Variants in DGKH observed in about 807,000 individuals in gnomAD.
DGKH encodes DAG kinase eta.
A neutral mutation model predicts 159.3 loss-of-function variants in DGKH; 90 were observed. The observed-to-expected ratio is 0.57, with a 90% confidence interval of 0.48 to 0.67. The LOEUF (loss-of-function observed/expected upper bound fraction) is 0.67. Among genes scored for constraint, DGKH ranks in the 30% least tolerant of loss-of-function variants. The pLI is 0.00. For missense variants in DGKH, 1,181 were observed against 1,506.1 expected (o/e 0.78, Z 3.57); for synonymous variants, 536 against 553.8 (o/e 0.97, Z 0.45).
intron 1 of DGKH, among the ~76,000 whole-genome samples, chr13:42,078,032 G>A (rs1954132171): frequency 6.6e-6 from 1 of 152,146 alleles, no homozygotes; most frequent in South Asian, 2.1e-4. Flanking sequence ...TAAATAGCAT[G>A]AACATCTTGT....
chr13:42,109,338 C>T (rs185418515), intron 1 of DGKH, among the ~76,000 whole-genome samples: 9 of 152,288 alleles, frequency 5.9e-5, no homozygotes, highest in African/African-American at 9.6e-5. Context: ...GTCACAGAAA[C>T]GTTAAGTAAT....
chr13:42,061,443 A>C (rs1398362364), intron 1 of DGKH, among the ~76,000 whole-genome samples: 1 of 151,642 alleles, frequency 6.6e-6, no homozygotes, highest in African/African-American at 2.4e-5. Flanking sequence ...CTTACCGAGG[A>C]CTCCCATACT....
intron 13 of DGKH, among the ~76,000 whole-genome samples, chr13:42,179,522 C>G (rs1956694091): frequency 6.6e-6 from 1 of 152,028 alleles, no homozygotes; most frequent in Non-Finnish European, 1.5e-5. Flanking sequence ...CCTGTAATTC[C>G]AACACTTTGG....
At position 42,101,607 on chromosome 13, in the gene DGKH, A is replaced by G. The variant is rs553849960; in HGVS notation, c.193-25856A>G. Among the ~76,000 whole-genome samples the G allele has an allele frequency of 4.6e-5, 7 of 152,270 alleles. No individual in the cohort carries two copies. The South Asian group carries it at 6.2e-4, about 14-fold the overall frequency. The stretch of plus-strand genomic sequence containing the variant: ...GTGGCTTGAAAGTTTTGTTTCAGGG[A>G]CTTCTGGAGGAGAAATAATATATTT... On this transcript the variant is annotated intron_variant, in intron 1 of 29. Coordinates refer to ENST00000337343, the MANE Select transcript of DGKH (RefSeq NM_178009.5).
At position 42,203,467 on chromosome 13, in the gene DGKH, A is replaced by G. The variant is rs149733052; in HGVS notation, c.2494-2572A>G. Among the ~76,000 whole-genome samples the G allele has an allele frequency of 5.6e-4, 85 of 152,320 alleles. 1 individual carries two copies. The East Asian group carries it at 0.012, about 21-fold the overall frequency. ...ACTGTGTGCTAAGAATTGTTAGCCC[A>G]TTTTACAGATGAGCAAAGTGAAGCT... is the stretch of plus-strand genomic sequence containing the variant. On this transcript the variant is annotated intron_variant, in intron 20 of 29. Coordinates refer to ENST00000337343, the MANE Select transcript of DGKH (RefSeq NM_178009.5).
At chr13:42,224,903 A>ATATAT (rs1555279951) in intron 29 of DGKH, among the ~76,000 whole-genome samples, 1 of 144,894 alleles carries the variant, frequency 6.9e-6, no homozygotes, top group African/African-American at 2.5e-5. Context: ...GGAAAAAAAA[A>ATATAT]ATATATATAT....
intron 25 of DGKH, among the ~76,000 whole-genome samples, chr13:42,214,984 A>G (rs1362649129): frequency 6.6e-6 from 1 of 151,910 alleles, no homozygotes; most frequent in Non-Finnish European, 1.5e-5. Context: ...AGAGATGTCC[A>G]CTCGTTTTTG....
intron 1 of DGKH, among the ~76,000 whole-genome samples, chr13:42,099,652 G>A (rs1418175886): frequency 6.6e-6 from 1 of 152,206 alleles, no homozygotes; most frequent in Non-Finnish European, 1.5e-5. Context: ...AATATTTATT[G>A]TGTGCCAACT....
intron 30 of DGKH, chr13:42,256,069 G>T: frequency 7.7e-7 from 1 of 1,297,984 alleles, no homozygotes; most frequent in South Asian, 1.2e-5. Flanking sequence ...TGGGAGAACT[G>T]ATCTTGCCTG....
chr13:42,067,463 A>G (rs1882660541), intron 1 of DGKH, among the ~76,000 whole-genome samples: 1 of 152,084 alleles, frequency 6.6e-6, no homozygotes, highest in Non-Finnish European at 1.5e-5. Flanking sequence ...TAAGAAGACC[A>G]TTTTTCTCTC....
chr13:42,119,451 C>T (rs1376028369), intron 1 of DGKH, among the ~76,000 whole-genome samples: 1 of 152,194 alleles, frequency 6.6e-6, no homozygotes, highest in Non-Finnish European at 1.5e-5. Context: ...GTCCAAAAAG[C>T]AGTCCTGTGG....
intron 29 of DGKH, among the ~76,000 whole-genome samples, chr13:42,226,813 C>T (rs1162391609): frequency 1.3e-5 from 2 of 150,712 alleles, no homozygotes; most frequent in Non-Finnish European, 2.9e-5. Context: ...GCCGAGATCA[C>T]GCCATTGCAC....
At chr13:42,225,650 G>A (rs573981567) in intron 29 of DGKH, among the ~76,000 whole-genome samples, 21 of 152,048 alleles carry the variant, frequency 1.4e-4, no homozygotes, top group African/African-American at 5.1e-4. Flanking sequence ...GTGCATGCCT[G>A]TAGTCCCAGC....
chr13:42,164,085 C>T (rs1365534158), intron 7 of DGKH, among the ~76,000 whole-genome samples: 1 of 151,988 alleles, frequency 6.6e-6, no homozygotes, highest in Non-Finnish European at 1.5e-5. Flanking sequence ...GAGTTTCTAA[C>T]AGCAGGATAT....
intron 3 of DGKH, among the ~76,000 whole-genome samples, chr13:42,131,000 TATA>T (rs1198627938): frequency 6.6e-6 from 1 of 151,900 alleles, no homozygotes; most frequent in Non-Finnish European, 1.5e-5. Context: ...TGACACGTCC[TATA>T]CTGTAGAGAG....
intron 1 of DGKH, among the ~76,000 whole-genome samples, chr13:42,110,947 G>T (rs920445685): frequency 2.6e-5 from 4 of 152,098 alleles, no homozygotes; most frequent in African/African-American, 9.7e-5. Context: ...GCTAATACCT[G>T]CTGGGCTTAA....
At chr13:42,246,851 C>G (rs1396898876), downstream of DGKH, among the ~76,000 whole-genome samples, 1 of 152,000 alleles carries the variant, frequency 6.6e-6, no homozygotes, top group African/African-American at 2.4e-5. Context: ...TTGACTGCTC[C>G]CCATGGTGAG....
At chr13:42,159,158 A>G (rs986528863) in intron 5 of DGKH, 108 bp from the exon 6 acceptor site, 3 of 605,164 alleles carry the variant, frequency 5.0e-6, no homozygotes, top group Non-Finnish European at 8.4e-6. Flanking sequence ...GTTTTCTTCT[A>G]CTTCCTCCTT....
intron 29 of DGKH, chr13:42,225,174 T>G: frequency 1.0e-6 from 1 of 992,892 alleles, no homozygotes; most frequent in Non-Finnish European, 1.5e-6. Context: ...CGGCCTGCCT[T>G]GGCCTCCTAC....
Sources: gnomAD v4.1 joint callset for allele counts (sites outside exome capture counted in the v4.1 genomes callset) on GRCh38, gnomAD v4.1.1 for gene constraint, MANE v1.5 for transcripts, NCBI Gene and HGNC (gene_info 2026-07-23, HGNC 2026-07-21) for gene names.